The following RPP38 variants were observed in gnomAD, a reference collection of about 807,000 sequenced individuals.
The protein encoded by RPP38 is ribonuclease P/MRP subunit p38.
A neutral mutation model predicts 1.7 loss-of-function variants in RPP38; 2 were observed. The ratio of observed to expected loss-of-function variants is 1.18; its 90% CI spans 0.48 to 3.70. RPP38 has a LOEUF of 3.70. Among genes scored for constraint, RPP38 ranks in the 30% most tolerant of loss-of-function variants. The pLI, the probability that RPP38 is intolerant of heterozygous loss-of-function variation, is 0.07. For missense variants in RPP38, 358 were observed against 340.1 expected, an observed-to-expected ratio of 1.05 and a Z score of -0.41; for synonymous variants, 151 against 131.8, an observed-to-expected ratio of 1.15 and a Z score of -1.00.
rs1438165407 is a variant in RPP38 at position 15,103,121 on chromosome 10, G to C, written c.-10-184G>C. The C allele has an allele frequency of 7.1e-6, 3 of 424,756 alleles. No individual in the cohort carries two copies. In the East Asian group the frequency reaches 1.4e-4, roughly 20 times the overall value. 26.3% of individuals were successfully genotyped at this position (424,756 alleles called of 1,614,324 possible). ...GCAGGAGAATCGCTTGAACCCAGGA[G>C]GTGGAGGTTGCAGTGAGCTGAGATT... On this transcript the variant is annotated intron_variant, in intron 2 of 2. Coordinates refer to ENST00000378197, the MANE Select transcript of RPP38 (RefSeq NM_183005.5).
At chr10:15,103,178 G>A in intron 2 of RPP38, 127 bp from the exon 3 acceptor site, 1 of 888,280 alleles carries the variant, frequency 1.1e-6, no homozygotes, top group Non-Finnish European at 1.6e-6. Context: ...GGCAACAAGA[G>A]TGAAATTCTG....
intron 1 of RPP38, among the ~76,000 whole-genome samples, chr10:15,099,032 AT>A (rs1453037226): frequency 2.0e-5 from 3 of 148,818 alleles, no homozygotes; most frequent in Admixed American, 2.0e-4. Context: ...TTACTTGCTA[AT>A]ATTTTTTCCT....
rs2131411710 is a variant in RPP38, at chr10:15,097,637, G to T, written c.-259G>T. 1 of 152,458 alleles carries T rather than the reference G, an allele frequency of 6.6e-6. No homozygotes were observed. Among genetic ancestry groups the T allele is most frequent in the Admixed American group, 6.5e-5 (1 of 15,312 alleles). 9.4% of individuals were successfully genotyped at this position (152,458 alleles called of 1,614,324 possible). A position where few individuals can be genotyped will look rare whatever the true frequency, so the allele number is the denominator to read the frequency against. Reference sequence around the variant, plus strand: ...CGTTTCTAGTCCGGCTCCTCTGCTGGATTGCAGCGCCGGCTGGGCACCAGG... The same window carrying T: ...CGTTTCTAGTCCGGCTCCTCTGCTGTATTGCAGCGCCGGCTGGGCACCAGG... On this transcript the variant is annotated 5_prime_UTR_variant, in exon 1 of 3. Coordinates refer to ENST00000378197, the MANE Select transcript of RPP38 (RefSeq NM_183005.5).
In RPP38 at chr10:15,103,306, A is replaced by G; in HGVS notation, c.-9A>G. ...TGTTGTCATTTTGCTTCTTGGAAGG[A>G]TTTTCAAAATGGCTGCAGCTCCTCA... On this transcript the variant is annotated splice_region_variant and 5_prime_UTR_variant, in exon 3 of 3. Transcript: ENST00000378197. 2 of 1,558,268 alleles carry G rather than the reference A, an allele frequency of 1.3e-6. No homozygotes were observed. Among genetic ancestry groups the G allele is most frequent in the Non-Finnish European group, 1.7e-6 (2 of 1,156,440 alleles).
At chr10:15,099,467 A>C (rs995421821) in intron 1 of RPP38, among the ~76,000 whole-genome samples, 1 of 148,802 alleles carries the variant, frequency 6.7e-6, no homozygotes, top group Middle Eastern at 3.4e-3. Flanking sequence ...CCTTGTCTCT[A>C]TAGAATTTCT....
chr10:15,100,564 G>A lies in RPP38; in HGVS notation c.-129-1654G>A, dbSNP rs555215566. Among the ~76,000 whole-genome samples, 10 of 152,136 alleles carry A rather than the reference G, an allele frequency of 6.6e-5. No individual in the cohort carries two copies. The East Asian group carries it at 1.7e-3, about 26-fold the overall frequency. On this transcript the variant is annotated intron_variant, in intron 1 of 2. Coordinates refer to ENST00000378197, the MANE Select transcript of RPP38 (RefSeq NM_183005.5). ...GGCTTTTCTGTGGGAAAGTGTCTGG[G>A]AAGAATATCAGAGACCAATAGCGCT...
chr10:15,098,762 T>C (rs1845025651), intron 1 of RPP38, among the ~76,000 whole-genome samples: 2 of 151,422 alleles, frequency 1.3e-5, no homozygotes, highest in African/African-American at 2.4e-5. Flanking sequence ...GGCCCGTGCC[T>C]GTAGTCCCAG....
At chr10:15,102,194 AT>A (rs10542485) in intron 1 of RPP38, 23 bp from the exon 2 acceptor site, 229 of 133,226 alleles carry the variant, frequency 1.7e-3, no homozygotes, top group East Asian at 1.3e-3. Flanking sequence ...TGCTCAGATC[AT>A]TTTTTTTTTT....
intron 1 of RPP38, among the ~76,000 whole-genome samples, chr10:15,099,187 T>G (rs563081684): frequency 7.2e-5 from 11 of 152,288 alleles, no homozygotes; most frequent in African/African-American, 2.4e-4. Flanking sequence ...GCAGAGGGAC[T>G]AATGTGTATA....
chr10:15,103,853 T>A lies in RPP38; in HGVS notation c.539T>A (p.Leu180Ter). 1.2e-6 allele frequency: 2 copies of A among 1,614,152 alleles called. No individual in the cohort carries two copies. Among genetic ancestry groups the A allele is most frequent in the African/African-American group, 2.7e-5 (2 of 75,034 alleles). ...PVIGLKCVLA[L>*]AFKKNTTDFV... The stretch of plus-strand genomic sequence containing the variant: ...ATTGGCTTAAAATGTGTTCTAGCCT[T>A]GGCGTTCAAAAAGAACACCACTGAC... The change falls in exon 3 of 3, where the codon TTG becomes TAG. Residue 180 changes from leucine (L) to a stop codon, truncating the protein, a stop_gained. Transcript: ENST00000378197. LOFTEE classifies it low-confidence loss of function (END_TRUNC).
At chr10:15,102,499 G>T (rs1175285450) in intron 2 of RPP38, 163 bp downstream of exon 2, 3 of 152,128 alleles carry the variant, frequency 2.0e-5, no homozygotes, top group African/African-American at 7.2e-5. Flanking sequence ...AATATTTGTT[G>T]AGTGAATGCA....
At position 15,104,172 on chromosome 10, in the gene RPP38, C is replaced by T; in HGVS notation, c.*6C>T. 6.4e-7 allele frequency: 1 copy of T among 1,557,262 alleles called. No homozygotes were observed. The highest frequency in any genetic ancestry group is 1.2e-5 in the South Asian group (1 of 81,636). ...AAAAAGCTACTCCAAAGTAATCTTG[C>T]ATAAACTTGTCATGTCATACAGTTT... On this transcript the variant is annotated 3_prime_UTR_variant, in exon 3 of 3. Transcript: ENST00000378197.
rs1564549793 is a variant in RPP38, at chr10:15,103,722, A to G, written c.408A>G (p.Lys136=). The change falls in exon 3 of 3, where the codon AAA becomes AAG. Residue 136 remains lysine (K), a synonymous_variant. Transcript: ENST00000378197. ...AACTGCTGTTAGTTCTGGTGTGTAA[A>G]TCAGTCAAGCCTGCCATGATCACCT... ...RRELLLVLVC[K]SVKPAMITSH... is the part of the protein sequence containing the mutation. 6.2e-7 allele frequency: 1 copy of G among 1,613,940 alleles called. No homozygotes were observed. The highest frequency in any genetic ancestry group is 2.2e-5 in the East Asian group (1 of 44,890).
rs369673472 is a variant in RPP38, at chr10:15,103,371, G to A, written c.57G>A (p.Leu19=). The A allele has an allele frequency of 1.9e-6, 3 of 1,612,736 alleles. No individual in the cohort carries two copies. The highest frequency in any genetic ancestry group is 2.7e-5 in the African/African-American group (2 of 74,850). The part of the protein sequence containing the change: ...GRGSLRKTRP[L]VVKTSLNNPY... ...GATCTCTCCGTAAGACGAGACCTCT[G>A]GTTGTGAAGACGTCGTTGAACAACC... The change falls in exon 3 of 3, where the codon CTG becomes CTA. Residue 19 remains leucine (L), a synonymous_variant. Transcript: ENST00000378197.
Position 15,099,850 on chromosome 10 carries a change from G to T in RPP38, c.-130+2084G>T, listed in dbSNP as rs563118016. Among the ~76,000 whole-genome samples the T allele has an allele frequency of 3.9e-5, 6 of 152,284 alleles. No homozygotes were observed. In the South Asian group the frequency reaches 1.2e-3, roughly 32 times the overall value. ...ATGCGCCTATAATCCCAGCTATTCA[G>T]CATGAGGCTGAGGTGGGAGGATTGC... On this transcript the variant is annotated intron_variant, in intron 1 of 2. Transcript: ENST00000378197.
chr10:15,103,299 TGGAAG>T lies in RPP38; in HGVS notation c.-10-4_-10del, dbSNP rs750270555. On this transcript the variant is annotated splice_acceptor_variant and splice_polypyrimidine_tract_variant and intron_variant, in intron 2 of 2. Transcript: ENST00000378197. LOFTEE classifies it low-confidence loss of function (5UTR_SPLICE). ...TTTTTTCTGTTGTCATTTTGCTTCT[TGGAAG>T]GATTTTCAAAATGGCTGCAGCTCCT... The T allele has an allele frequency of 6.4e-7, 1 of 1,555,106 alleles. No individual in the cohort carries two copies. Among genetic ancestry groups the T allele is most frequent in the Admixed American group, 2.1e-5 (1 of 46,516 alleles).
chr10:15,098,664 G>A (rs891160884), intron 1 of RPP38, among the ~76,000 whole-genome samples: 1 of 150,732 alleles, frequency 6.6e-6, no homozygotes, highest in African/African-American at 2.4e-5. Flanking sequence ...GAGGCGGGCG[G>A]ATCACAAAGT....
chr10:15,098,043 G>C (rs115408189), intron 1 of RPP38, among the ~76,000 whole-genome samples: 1,536 of 152,110 alleles, frequency 0.01, 30 homozygotes, highest in African/African-American at 0.035. Context: ...CTCTTCCTTT[G>C]CCCAGATCCA....
intron 1 of RPP38, among the ~76,000 whole-genome samples, chr10:15,099,395 G>T (rs1055807506): frequency 6.6e-6 from 1 of 152,126 alleles, no homozygotes; most frequent in African/African-American, 2.4e-5. Flanking sequence ...TTTTGGGGAG[G>T]CCGAGGCTAC....
Sources: allele counts gnomAD v4.1 joint callset (sites outside exome capture counted in the v4.1 genomes callset), GRCh38; gene constraint gnomAD v4.1.1; transcripts MANE v1.5; gene names NCBI Gene and HGNC (gene_info 2026-07-23, HGNC 2026-07-21).